Variants in ACYP2 observed in about 807,000 individuals in gnomAD.
ACYP2 encodes acylphosphatase-2.
In ACYP2, 12 loss-of-function variants were observed where a neutral mutation model predicts 11.2. The ratio of observed to expected loss-of-function variants is 1.08; its 90% CI spans 0.69 to 1.74. The LOEUF (loss-of-function observed/expected upper bound fraction) is 1.74. Ranked by LOEUF, ACYP2 falls within the 40% of genes most tolerant of loss-of-function variation. The probability of loss-of-function intolerance (pLI) is 0.00; values close to 1 mark genes in which losing one functional copy is unlikely to be tolerated. For missense variants in ACYP2, 134 were observed against 101.9 expected (o/e 1.31, Z -1.35); for synonymous variants, 43 against 32.2 (o/e 1.33, Z -1.13).
intron 6 of ACYP2, among the ~76,000 whole-genome samples, chr2:54,171,947 T>C (rs1010959095): frequency 5.9e-5 from 9 of 152,246 alleles, no homozygotes; most frequent in African/African-American, 1.7e-4. Context: ...GGTGTGGCGG[T>C]TCACACCTGT....
chr2:54,111,322 T>A (rs1156864045), intron 4 of ACYP2, among the ~76,000 whole-genome samples: 1 of 152,130 alleles, frequency 6.6e-6, no homozygotes, highest in Admixed American at 6.5e-5. Context: ...AGTACTTGTT[T>A]GTTCCCATTT....
At chr2:54,121,504 T>C (rs187473535) in intron 4 of ACYP2, among the ~76,000 whole-genome samples, 17 of 152,348 alleles carry the variant, frequency 1.1e-4, no homozygotes, top group African/African-American at 3.4e-4. Flanking sequence ...ATGAATACCA[T>C]ATTTCTTAAA....
chr2:54,130,771 G>C (rs1267160130), intron 4 of ACYP2, among the ~76,000 whole-genome samples: 2 of 152,142 alleles, frequency 1.3e-5, no homozygotes, highest in Non-Finnish European at 2.9e-5. Flanking sequence ...AACTATGCGT[G>C]GTATCCAGAT....
In ACYP2 at chr2:54,267,283, T is replaced by C. The variant is rs1573020255; in HGVS notation, c.405-37405T>C. ...TCTGAAAGGAAATTCAGAATTTCCA[T>C]TTGACTTAATAGGAATTCATCAGCT... On this transcript the variant is annotated intron_variant, in intron 6 of 6. Coordinates refer to ENST00000607452, the MANE Select transcript of ACYP2 (RefSeq NM_001320586.2). 13 of 1,548,046 alleles carry C rather than the reference T, an allele frequency of 8.4e-6. No homozygotes were observed. The East Asian group carries it at 3.2e-4, about 38-fold the overall frequency.
In ACYP2 at chr2:54,154,523, G is replaced by A. The variant is rs186489955; in HGVS notation, c.404+15775G>A. Among the ~76,000 whole-genome samples the A allele has an allele frequency of 2.1e-3, 320 of 152,266 alleles. 3 individuals carry two copies. The highest frequency in any genetic ancestry group is 7.2e-3 in the African/African-American group (300 of 41,550). ...ATCAGATGCCTTTTCTGCATCTAAT[G>A]TGGTGATCATATAGTATTTGTCCTT... On this transcript the variant is annotated intron_variant, in intron 6 of 6. Transcript: ENST00000607452.
At chr2:54,279,143 T>G (rs923511417) in intron 6 of ACYP2, among the ~76,000 whole-genome samples, 4 of 152,248 alleles carry the variant, frequency 2.6e-5, no homozygotes, top group Admixed American at 2.0e-4. Context: ...AGAACTGCTG[T>G]TTCATGAACC....
chr2:54,021,871 CTT>C (rs1314927153), intron 2 of ACYP2, among the ~76,000 whole-genome samples: 6 of 152,160 alleles, frequency 3.9e-5, no homozygotes, highest in African/African-American at 1.4e-4. Flanking sequence ...CTGGGCAACT[CTT>C]AATAAATAGT....
At chr2:54,296,830 T>G (rs1278236608) in intron 6 of ACYP2, among the ~76,000 whole-genome samples, 1 of 152,236 alleles carries the variant, frequency 6.6e-6, no homozygotes, top group African/African-American at 2.4e-5. Context: ...ATTATTATTC[T>G]TTCATTTTTA....
At chr2:54,212,293 G>T (rs1685359405) in intron 6 of ACYP2, among the ~76,000 whole-genome samples, 1 of 152,182 alleles carries the variant, frequency 6.6e-6, no homozygotes, top group African/African-American at 2.4e-5. Context: ...GGAAAATCAA[G>T]TGGATGGATT....
chr2:54,114,544 T>A (rs1679639825), intron 4 of ACYP2, among the ~76,000 whole-genome samples: 1 of 151,990 alleles, frequency 6.6e-6, no homozygotes, highest in Non-Finnish European at 1.5e-5. Context: ...ATTAGCTGGG[T>A]GAGGTGGCGC....
intron 6 of ACYP2, among the ~76,000 whole-genome samples, chr2:54,146,452 TTTA>T (rs1238721325): frequency 1.3e-5 from 2 of 151,962 alleles, no homozygotes; most frequent in South Asian, 4.2e-4. Context: ...TTTTTTTTTT[TTTA>T]TTACAGACTG....
Position 54,039,816 on chromosome 2 carries a change from CTT to C in ACYP2, c.63-11139_63-11138del, listed in dbSNP as rs1491477305. Among the ~76,000 whole-genome samples, 19 of 70,326 alleles carry C rather than the reference CTT, an allele frequency of 2.7e-4. No individual in the cohort carries two copies. The East Asian group carries it at 6.2e-3, about 23-fold the overall frequency. The allele number at this position is 70,326 out of a possible 152,430, so 46.1% of individuals were successfully genotyped here. ...GGCTTCTGTGTTTTATATTTGTTTT[CTT>C]TTGTGTGTGTGTGTGTGTGTGTGTG... On this transcript the variant is annotated intron_variant, in intron 2 of 6. Coordinates refer to ENST00000607452, the MANE Select transcript of ACYP2 (RefSeq NM_001320586.2).
chr2:54,208,989 T>C (rs986801634), intron 6 of ACYP2, among the ~76,000 whole-genome samples: 6 of 87,972 alleles, frequency 6.8e-5, no homozygotes, highest in Admixed American at 2.2e-4. Flanking sequence ...GCTTTTACTT[T>C]TTTTTTTTGG....
intron 6 of ACYP2, among the ~76,000 whole-genome samples, chr2:54,223,894 C>T (rs535467541): frequency 1.3e-4 from 19 of 151,900 alleles, no homozygotes; most frequent in African/African-American, 2.2e-4. Context: ...GTGTTTTTAA[C>T]GTAACAAATA....
chr2:54,110,158 A>C (rs1015490693), intron 4 of ACYP2, among the ~76,000 whole-genome samples: 1 of 152,162 alleles, frequency 6.6e-6, no homozygotes, highest in Non-Finnish European at 1.5e-5. Context: ...CACACACAAA[A>C]TTAGAGAATA....
At chr2:54,194,153 C>T (rs1684354652) in intron 6 of ACYP2, among the ~76,000 whole-genome samples, 2 of 152,138 alleles carry the variant, frequency 1.3e-5, no homozygotes, top group African/African-American at 4.8e-5. Flanking sequence ...ATTTCTCCTG[C>T]CTCAGCCTCC....
chr2:54,126,004 C>T (rs1680470960), intron 4 of ACYP2, among the ~76,000 whole-genome samples: 1 of 152,048 alleles, frequency 6.6e-6, no homozygotes. Context: ...TTGCTTGAAC[C>T]TGGGAGAAGG....
intron 6 of ACYP2, among the ~76,000 whole-genome samples, chr2:54,171,271 G>A (rs1400205082): frequency 6.6e-6 from 1 of 152,060 alleles, no homozygotes; most frequent in Non-Finnish European, 1.5e-5. Flanking sequence ...AAACTACTCA[G>A]AAGGGCTTCA....
At chr2:54,286,395 A>G (rs1056822255) in intron 6 of ACYP2, among the ~76,000 whole-genome samples, 2 of 152,010 alleles carry the variant, frequency 1.3e-5, no homozygotes, top group Non-Finnish European at 2.9e-5. Context: ...TCATGTTAGC[A>G]CCACCAGAAA....
Sources: allele counts gnomAD v4.1 joint callset (sites outside exome capture counted in the v4.1 genomes callset), GRCh38; gene constraint gnomAD v4.1.1; transcripts MANE v1.5; gene names NCBI Gene and HGNC (gene_info 2026-07-23, HGNC 2026-07-21).